The following POU2F2 variants were observed in gnomAD, a reference collection of about 807,000 sequenced individuals.
The protein encoded by POU2F2 is POU domain, class 2, transcription factor 2.
In POU2F2, 14 loss-of-function variants were observed where a neutral mutation model predicts 63.5. That is an observed-to-expected ratio of 0.22 (90% CI 0.15 to 0.34). The LOEUF (loss-of-function observed/expected upper bound fraction) is 0.34. Among genes scored for constraint, POU2F2 ranks in the 10% least tolerant of loss-of-function variants. The pLI is 1.00. For missense variants in POU2F2, 607 were observed against 815.2 expected, an observed-to-expected ratio of 0.74 and a Z score of 3.11; for synonymous variants, 306 against 348.6, an observed-to-expected ratio of 0.88 and a Z score of 1.36.
At chr19:42,099,368 A>C (rs2077041534) in intron 7 of POU2F2, 159 bp downstream of exon 7, 2 of 658,058 alleles carry the variant, frequency 3.0e-6, no homozygotes, top group South Asian at 3.7e-5. Context: ...TGACCCAGAC[A>C]GGGAGATGGG....
chr19:42,094,014 T>C (rs1599930296), intron 11 of POU2F2, 119 bp from the exon 12 acceptor site: 2 of 759,312 alleles, frequency 2.6e-6, no homozygotes, highest in Non-Finnish European at 4.3e-6. Flanking sequence ...GGCACAATGC[T>C]GCATTTGTAT....
At chr19:42,142,691 T>C (rs1481466312) in intron 2 of POU2F2, among the ~76,000 whole-genome samples, 1 of 152,024 alleles carries the variant, frequency 6.6e-6, no homozygotes, top group Non-Finnish European at 1.5e-5. Context: ...GCCTCCTGAG[T>C]AGCTGGGACC....
chr19:42,146,556 C>T (rs1416155904), intron 2 of POU2F2, among the ~76,000 whole-genome samples: 5 of 152,166 alleles, frequency 3.3e-5, no homozygotes, highest in African/African-American at 2.4e-5. Flanking sequence ...CGAGCTCATA[C>T]AGAAAGACCA....
At position 42,169,447 on chromosome 19, in the gene POU2F2, C is replaced by T. The variant is rs568933531; in HGVS notation, c.-70+6516G>A. Among the ~76,000 whole-genome samples, 1 of 152,178 alleles carries T rather than the reference C, an allele frequency of 6.6e-6. No individual in the cohort carries two copies. Among genetic ancestry groups the T allele is most frequent in the Non-Finnish European group, 1.5e-5 (1 of 68,024 alleles). ...ACCTGTGTCTGAGTATGTGTTTACC[C>T]CTGTTTCCAAACCTGGTGTGTCCAT... On this transcript the variant is annotated intron_variant, in intron 1 of 6. Transcript: ENST00000524801. This position sits in a 1 kb window ranked among gnomAD's most constrained non-coding sequence, Gnocchi z 4.3.
intron 2 of POU2F2, among the ~76,000 whole-genome samples, chr19:42,146,518 C>G (rs2034237609): frequency 6.6e-6 from 1 of 152,236 alleles, no homozygotes; most frequent in South Asian, 2.1e-4. Context: ...CTCCCCAGCT[C>G]CACTTTGTGG....
intron 5 of POU2F2, among the ~76,000 whole-genome samples, chr19:42,107,657 A>C (rs1267238337): frequency 6.6e-6 from 1 of 152,238 alleles, no homozygotes; most frequent in African/African-American, 2.4e-5. Flanking sequence ...TGGTTTGGTC[A>C]GAAGATAGTA....
At chr19:42,130,924 C>G (rs11879226) in intron 1 of POU2F2, among the ~76,000 whole-genome samples, 2 of 139,816 alleles carry the variant, frequency 1.4e-5, no homozygotes, top group Non-Finnish European at 3.1e-5. Flanking sequence ...GGGCCTCCCC[C>G]ATCCCAGCCC....
intron 1 of POU2F2, among the ~76,000 whole-genome samples, chr19:42,189,312 T>C (rs929380093): frequency 5.9e-5 from 9 of 152,142 alleles, no homozygotes; most frequent in Admixed American, 1.3e-4. Context: ...AGGGGAGTCA[T>C]GGGAGGCCAC....
At position 42,100,085 on chromosome 19, in the gene POU2F2, C is replaced by CTTT. The variant is rs948283094; in HGVS notation, c.370-267_370-265dup. On this transcript the variant is annotated intron_variant, in intron 5 of 14. Coordinates refer to ENST00000692977, the MANE Select transcript of POU2F2 (RefSeq NM_001394376.1). ...CTCACTCTTTATTTACCCTTTCTTT[C>CTTT]TTTTTTTTTTTTTTTTTTTTTTTTT... 1.6e-3 allele frequency among the ~76,000 whole-genome samples: 125 copies of CTTT among 77,086 alleles called. 6 individuals carry two copies. The highest frequency in any genetic ancestry group is 2.6e-3 in the African/African-American group (52 of 20,256). The allele number at this position is 77,086 out of a possible 152,430, so 50.6% of individuals were successfully genotyped here. A position where few individuals can be genotyped will look rare whatever the true frequency, so the allele number is the denominator to read the frequency against.
At position 42,148,940 on chromosome 19, in the gene POU2F2, G is replaced by A. The variant is rs999228571; in HGVS notation, c.-9+11392C>T. Among the ~76,000 whole-genome samples the A allele has an allele frequency of 4.0e-5, 6 of 151,776 alleles. 1 individual carries two copies. The South Asian group carries it at 1.3e-3, about 32-fold the overall frequency. ...TAAAGCATGACCCTGGTTGGGCCTC[G>A]CTCCCACCCAGACCGAGAGGAAAAA... is the stretch of plus-strand genomic sequence containing the variant. On this transcript the variant is annotated intron_variant, in intron 2 of 6. Coordinates refer to the POU2F2 transcript ENST00000524801.
At chr19:42,134,466 C>T (rs896309394), upstream of POU2F2, 1 of 152,486 alleles carries the variant, frequency 6.6e-6, no homozygotes, top group African/African-American at 2.4e-5. Context: ...TTCTCAGTGC[C>T]TCAGACCAGA....
chr19:42,134,095 G>A (rs566733621), upstream of POU2F2, among the ~76,000 whole-genome samples: 13 of 152,200 alleles, frequency 8.5e-5, no homozygotes, highest in South Asian at 2.3e-3. Flanking sequence ...GGGTCTTCCC[G>A]ACAGCAGCCT....
Position 42,092,213 on chromosome 19 carries a change from C to A in POU2F2, c.1322G>T (p.Gly441Val). 4 of 1,567,902 alleles carry A rather than the reference C, an allele frequency of 2.6e-6. No homozygotes were observed. The highest frequency in any genetic ancestry group is 3.5e-6 in the Non-Finnish European group (4 of 1,157,570). The change falls in exon 13 of 15, where the codon GGT becomes GTT. Residue 441 changes from glycine to valine, a missense_variant. Transcript: ENST00000692977. This position sits in a 1 kb window ranked among gnomAD's most constrained non-coding sequence, Gnocchi z 5.0. The stretch of plus-strand genomic sequence containing the variant: ...GGGCGCAGCCCCGCCCCCGCCCCCA[C>A]CCCCTCCAGCTGTCCGGCTGGGGTG... ...TLHPSRTAGG[G>V]GGGGGAAPPL... is the part of the protein sequence containing the mutation.
chr19:42,122,657 C>A (rs934776345), intron 1 of POU2F2, 81 bp from the exon 2 acceptor site: 1 of 1,287,150 alleles, frequency 7.8e-7, no homozygotes, highest in Non-Finnish European at 1.1e-6. Flanking sequence ...ACCACACTCC[C>A]CAAGCCTTTC....
At chr19:42,104,484 T>A (rs995260442) in intron 5 of POU2F2, among the ~76,000 whole-genome samples, 1 of 151,420 alleles carries the variant, frequency 6.6e-6, no homozygotes, top group Admixed American at 6.6e-5. Context: ...ACAGGATGGG[T>A]TGGATGAATG....
chr19:42,132,300 G>A (rs1422689359), intron 1 of POU2F2, 84 bp downstream of exon 1: 1 of 1,470,392 alleles, frequency 6.8e-7, no homozygotes, highest in Non-Finnish European at 9.3e-7. Context: ...GACAGCTGAG[G>A]AGGAGGGGCA....
At position 42,168,558 on chromosome 19, in the gene POU2F2, G is replaced by A. The variant is rs80309288; in HGVS notation, c.-70+7405C>T. Reference sequence around the variant, plus strand: ...ATCACCCTCTCCATGTCTCCTCCTTGGTGAATCTTCCTGGGCTCCCCACTC... The same window carrying A: ...ATCACCCTCTCCATGTCTCCTCCTTAGTGAATCTTCCTGGGCTCCCCACTC... On this transcript the variant is annotated intron_variant, in intron 1 of 6. Transcript: ENST00000524801. Among the ~76,000 whole-genome samples, 276 of 152,230 alleles carry A rather than the reference G, an allele frequency of 1.8e-3. 4 individuals are homozygous for A. The East Asian group carries it at 0.05, about 28-fold the overall frequency.
At chr19:42,173,021 A>C (rs1241439354) in intron 1 of POU2F2, among the ~76,000 whole-genome samples, 1 of 152,172 alleles carries the variant, frequency 6.6e-6, no homozygotes, top group Non-Finnish European at 1.5e-5. Context: ...TGGGCCTCAG[A>C]ATTCTCATCT....
At chr19:42,174,278 G>T (rs779150103) in intron 1 of POU2F2, among the ~76,000 whole-genome samples, 6 of 151,858 alleles carry the variant, frequency 4.0e-5, no homozygotes, top group Non-Finnish European at 8.8e-5. Context: ...GACTTTTTTT[G>T]ATGTGCACCC....
Sources: gnomAD v4.1 joint callset for allele counts (sites outside exome capture counted in the v4.1 genomes callset) on GRCh38, gnomAD v4.1.1 for gene constraint, Gnocchi (gnomAD v3.1) non-coding constraint, MANE v1.5 for transcripts, NCBI Gene and HGNC (gene_info 2026-07-23, HGNC 2026-07-21) for gene names.